DSCAM: variants seen among roughly 807,000 people sequenced by gnomAD.
DSCAM encodes the protein DS cell adhesion molecule.
Under a neutral mutation model 217.7 loss-of-function variants are expected in DSCAM, and 47 were observed. That is an observed-to-expected ratio of 0.22 (90% CI 0.17 to 0.28). The LOEUF (loss-of-function observed/expected upper bound fraction) is 0.28. DSCAM is among the 10% of genes least tolerant of loss of function. The pLI, the probability that DSCAM is intolerant of heterozygous loss-of-function variation, is 1.00. For missense variants in DSCAM, 2,080 were observed against 2,618.3 expected, an observed-to-expected ratio of 0.79 and a Z score of 4.49; for synonymous variants, 1,056 against 1,015.3, an observed-to-expected ratio of 1.04 and a Z score of -0.76.
intron 1 of DSCAM, among the ~76,000 whole-genome samples, chr21:40,738,045 T>C (rs2091082627): frequency 6.6e-6 from 1 of 152,178 alleles, no homozygotes; most frequent in South Asian, 2.1e-4. Flanking sequence ...GTGGGAGGCA[T>C]ATGTTTCATT....
intron 16 of DSCAM, among the ~76,000 whole-genome samples, chr21:40,153,672 A>G (rs1157365682): frequency 6.6e-6 from 1 of 152,198 alleles, no homozygotes; most frequent in Non-Finnish European, 1.5e-5. Context: ...TTAGAGCTGC[A>G]AGAACTGGGG....
In DSCAM at chr21:40,051,992, G is replaced by T; in HGVS notation, c.5151C>A (p.Pro1717=). The T allele has an allele frequency of 6.2e-7, 1 of 1,613,560 alleles. No individual in the cohort carries two copies. The highest frequency in any genetic ancestry group is 1.1e-5 in the South Asian group (1 of 90,974). The change falls in exon 30 of 33, where the codon CCC becomes CCA. Residue 1717 remains proline, a synonymous_variant. Coordinates refer to ENST00000400454, the MANE Select transcript of DSCAM (RefSeq NM_001389.5). ...HYQSVSQATG[P]LVDVSDARPG... The stretch of plus-strand genomic sequence containing the variant: ...GCCGAGCGTCTGAAACATCCACTAA[G>T]GGCCCAGTGGCCTGAGACACCGATT...
intron 3 of DSCAM, among the ~76,000 whole-genome samples, chr21:40,553,644 A>G (rs943482054): frequency 6.6e-6 from 1 of 152,210 alleles, no homozygotes; most frequent in African/African-American, 2.4e-5. Context: ...CAACTGTGAT[A>G]TCTAAATGCT....
intron 1 of DSCAM, among the ~76,000 whole-genome samples, chr21:40,758,913 A>G (rs1437823563): frequency 2.0e-5 from 3 of 152,122 alleles, no homozygotes; most frequent in African/African-American, 7.2e-5. Flanking sequence ...GTTAAGGATG[A>G]CTTTTGATTT....
At chr21:40,408,578 C>G (rs1402437452) in intron 3 of DSCAM, among the ~76,000 whole-genome samples, 1 of 152,146 alleles carries the variant, frequency 6.6e-6, no homozygotes, top group Non-Finnish European at 1.5e-5. Flanking sequence ...AGACATTCAT[C>G]AGTCGTAAGT....
At chr21:40,533,651 A>ATCTG (rs2076471473) in intron 3 of DSCAM, among the ~76,000 whole-genome samples, 1 of 147,310 alleles carries the variant, frequency 6.8e-6, no homozygotes, top group African/African-American at 2.6e-5. Context: ...CTGTCCATCC[A>ATCTG]TCCATCCATC....
intron 16 of DSCAM, among the ~76,000 whole-genome samples, chr21:40,150,822 T>C (rs1158477812): frequency 6.6e-6 from 1 of 152,174 alleles, no homozygotes; most frequent in African/African-American, 2.4e-5. Context: ...TATAGGGAAA[T>C]GATCTTTAGA....
chr21:40,808,728 C>T (rs1367768081), intron 1 of DSCAM, among the ~76,000 whole-genome samples: 1 of 152,118 alleles, frequency 6.6e-6, no homozygotes, highest in African/African-American at 2.4e-5. Flanking sequence ...TCCCACCTTG[C>T]CCTCCTAAAG....
chr21:40,082,126 T>C (rs2837425), intron 24 of DSCAM, among the ~76,000 whole-genome samples: 44,743 of 152,104 alleles, frequency 0.29, 6,788 homozygotes, highest in Middle Eastern at 0.38. Flanking sequence ...TTACTGGTAA[T>C]CTGTGATCCA....
chr21:40,081,229 C>G (rs543382621), intron 24 of DSCAM, among the ~76,000 whole-genome samples: 80 of 152,314 alleles, frequency 5.3e-4, no homozygotes, highest in African/African-American at 1.6e-3. Context: ...CTTCTCCACC[C>G]TGGCTAGCTG....
intron 3 of DSCAM, among the ~76,000 whole-genome samples, chr21:40,567,945 G>T (rs542289371): frequency 5.0e-4 from 74 of 148,560 alleles, no homozygotes; most frequent in African/African-American, 1.8e-3. Context: ...TTTTTGTTTG[G>T]TTTTTTTTTT....
At chr21:40,282,871 T>G (rs2073781433) in intron 10 of DSCAM, among the ~76,000 whole-genome samples, 2 of 152,198 alleles carry the variant, frequency 1.3e-5, no homozygotes, top group Admixed American at 1.3e-4. Flanking sequence ...GATGATCTGT[T>G]TATTCCTATC....
intron 6 of DSCAM, among the ~76,000 whole-genome samples, chr21:40,343,639 G>A (rs963702148): frequency 6.6e-6 from 1 of 151,748 alleles, no homozygotes; most frequent in Non-Finnish European, 1.5e-5. Context: ...AGCTCCAATT[G>A]ATTTACACAC....
intron 3 of DSCAM, among the ~76,000 whole-genome samples, chr21:40,416,299 G>C (rs558101839): frequency 1.3e-5 from 2 of 152,064 alleles, no homozygotes; most frequent in Non-Finnish European, 2.9e-5. Context: ...CTGATCGCTT[G>C]ACCCACTGTG....
At chr21:40,715,755 G>A (rs930766731) in intron 1 of DSCAM, among the ~76,000 whole-genome samples, 1 of 152,132 alleles carries the variant, frequency 6.6e-6, no homozygotes, top group African/African-American at 2.4e-5. Context: ...TAGGAATGAG[G>A]TAACTGTCAC....
At chr21:40,308,849 A>C (rs958680018) in intron 9 of DSCAM, among the ~76,000 whole-genome samples, 4 of 151,978 alleles carry the variant, frequency 2.6e-5, no homozygotes, top group Non-Finnish European at 5.9e-5. Flanking sequence ...CACTTCTTTG[A>C]CCCAAAACAT....
At chr21:40,819,014 G>A (rs1351626268) in intron 1 of DSCAM, among the ~76,000 whole-genome samples, 1 of 152,066 alleles carries the variant, frequency 6.6e-6, no homozygotes, top group Non-Finnish European at 1.5e-5. Context: ...AGCCCTACAC[G>A]GAGCCCATTT....
intron 4 of DSCAM, among the ~76,000 whole-genome samples, chr21:40,362,487 T>G (rs1362871374): frequency 6.6e-6 from 1 of 152,186 alleles, no homozygotes; most frequent in Non-Finnish European, 1.5e-5. Context: ...AAATGTATGG[T>G]TTTCCCGTTC....
At chr21:40,083,670 G>T (rs921498981) in intron 24 of DSCAM, among the ~76,000 whole-genome samples, 3 of 152,052 alleles carry the variant, frequency 2.0e-5, no homozygotes, top group Non-Finnish European at 2.9e-5. Context: ...TTTCTTTCTT[G>T]CAACTGTTGA....
Sources: allele counts gnomAD v4.1 joint callset (sites outside exome capture counted in the v4.1 genomes callset), GRCh38; gene constraint gnomAD v4.1.1; transcripts MANE v1.5; gene names NCBI Gene and HGNC (gene_info 2026-07-23, HGNC 2026-07-21).